The following MEIG1 variants were observed in gnomAD, a reference collection of about 807,000 sequenced individuals.
MEIG1 encodes the protein meiosis/spermiogenesis associated 1.
In MEIG1, 12 loss-of-function variants were observed where a neutral mutation model predicts 11.3. The ratio of observed to expected loss-of-function variants is 1.07; its 90% CI spans 0.68 to 1.73. MEIG1 has a LOEUF of 1.73. Among genes scored for constraint, MEIG1 ranks in the 40% most tolerant of loss-of-function variants. The pLI, the probability that MEIG1 is intolerant of heterozygous loss-of-function variation, is 0.00. For synonymous variants in MEIG1, 41 were observed against 33.2 expected (o/e 1.24, Z -0.81); for missense variants, 119 against 104.9 (o/e 1.13, Z -0.59).
chr10:14,954,760 C>G (rs1842893536), upstream of MEIG1, among the ~76,000 whole-genome samples: 1 of 152,012 alleles, frequency 6.6e-6, no homozygotes. Context: ...CAGGAAAGGT[C>G]TAAAATTTTT....
intron 1 of MEIG1, among the ~76,000 whole-genome samples, chr10:14,960,637 C>G (rs189775708): frequency 6.6e-6 from 1 of 151,952 alleles, no homozygotes; most frequent in Admixed American, 6.5e-5. Flanking sequence ...CCAGGATGGT[C>G]TCGATCTCCT....
In MEIG1 at chr10:14,980,950, G is replaced by C. The variant is rs565945832; in HGVS notation, n.67-5846G>C. Among the ~76,000 whole-genome samples the C allele has an allele frequency of 2.6e-5, 4 of 152,298 alleles. No homozygotes were observed. The East Asian group carries it at 7.7e-4, about 29-fold the overall frequency. On this transcript the variant is annotated intron_variant and non_coding_transcript_variant, in intron 1 of 2. Transcript: ENST00000467536. Reference sequence around the variant, plus strand: ...TTAGGTACTGTTGGATGGAAAGTCAGTGTAGCTTGACGAAGCAAGCGCAAA... The same window carrying C: ...TTAGGTACTGTTGGATGGAAAGTCACTGTAGCTTGACGAAGCAAGCGCAAA...
At chr10:14,982,948 A>G (rs1457819343) in intron 1 of MEIG1, among the ~76,000 whole-genome samples, 1 of 152,120 alleles carries the variant, frequency 6.6e-6, no homozygotes, top group Non-Finnish European at 1.5e-5. Context: ...AATTAATGTT[A>G]ATGTTAATCT....
At chr10:14,979,791 G>A (rs1843246571) in intron 1 of MEIG1, among the ~76,000 whole-genome samples, 1 of 152,010 alleles carries the variant, frequency 6.6e-6, no homozygotes. Context: ...TGCACACATG[G>A]TGTACACCCT....
In MEIG1 at chr10:14,980,822, C is replaced by T. The variant is rs1843255794; in HGVS notation, n.67-5974C>T. Among the ~76,000 whole-genome samples the T allele has an allele frequency of 2.0e-5, 3 of 152,146 alleles. No homozygotes were observed. The South Asian group carries it at 6.2e-4, about 32-fold the overall frequency. On this transcript the variant is annotated intron_variant and non_coding_transcript_variant, in intron 1 of 2. Transcript: ENST00000467536. ...CTTCCCACTGAAAGGCAAAGAGCTT[C>T]TGCCTCTCAGGGGCTAATCTGATAG... is the stretch of plus-strand genomic sequence containing the variant.
chr10:14,981,304 G>A (rs1843260283), intron 1 of MEIG1, among the ~76,000 whole-genome samples: 1 of 151,942 alleles, frequency 6.6e-6, no homozygotes, highest in African/African-American at 2.4e-5. Flanking sequence ...AATGACTCCC[G>A]TGGTGGGTAA....
chr10:14,973,125 C>G (rs1377572514), downstream of MEIG1, among the ~76,000 whole-genome samples: 1 of 152,144 alleles, frequency 6.6e-6, no homozygotes, highest in Non-Finnish European at 1.5e-5. Flanking sequence ...CTCAGCCTCC[C>G]AAAGTGCTGG....
the MEIG1 span, chr10:14,954,230 C>T: frequency 1.5e-5 from 10 of 686,036 alleles, no homozygotes; most frequent in South Asian, 1.7e-4. Context: ...ACCCGCGCTT[C>T]GCTGCACGCG....
chr10:14,979,188 G>T (rs552425453), intron 1 of MEIG1, among the ~76,000 whole-genome samples: 6 of 151,730 alleles, frequency 4.0e-5, no homozygotes, highest in African/African-American at 9.7e-5. Context: ...TATCACAAAG[G>T]TTGTACACGC....
downstream of MEIG1, among the ~76,000 whole-genome samples, chr10:14,975,011 C>T (rs894425889): frequency 6.6e-6 from 1 of 152,038 alleles, no homozygotes; most frequent in African/African-American, 2.4e-5. Context: ...CATGATATTA[C>T]GTTCAATATC....
At chr10:14,982,945 G>A (rs1046631209) in intron 1 of MEIG1, among the ~76,000 whole-genome samples, 4 of 151,940 alleles carry the variant, frequency 2.6e-5, no homozygotes, top group African/African-American at 9.7e-5. Context: ...AATAATTAAT[G>A]TTAATGTTAA....
intron 1 of MEIG1, among the ~76,000 whole-genome samples, chr10:14,962,570 A>T (rs1843026641): frequency 6.6e-6 from 1 of 152,202 alleles, no homozygotes; most frequent in Non-Finnish European, 1.5e-5. Flanking sequence ...TTGAGCTGAA[A>T]GTGACAAAAG....
At chr10:14,967,756 T>A (rs1843103854) in intron 2 of MEIG1, among the ~76,000 whole-genome samples, 1 of 152,178 alleles carries the variant, frequency 6.6e-6, no homozygotes, top group African/African-American at 2.4e-5. Context: ...ACAGAAACTC[T>A]TGCCCATAAG....
At position 14,981,943 on chromosome 10, in the gene MEIG1, G is replaced by A. The variant is rs542250188; in HGVS notation, n.67-4853G>A. On this transcript the variant is annotated intron_variant and non_coding_transcript_variant, in intron 1 of 2. Transcript: ENST00000467536. ...CTCCATTCTCTTTGCGCTTTTCCTC[G>A]CGGCTTACTGCATCCCTGTTTACAA... 3.9e-5 allele frequency among the ~76,000 whole-genome samples: 6 copies of A among 152,044 alleles called. No homozygotes were observed. In the East Asian group the frequency reaches 9.6e-4, roughly 24 times the overall value.
intron 2 of MEIG1, chr10:14,970,439 G>A (rs1419500477): frequency 6.6e-6 from 1 of 152,276 alleles, no homozygotes; most frequent in Non-Finnish European, 1.5e-5. Context: ...GGCATTGGTT[G>A]TACTGTTTTC....
In MEIG1 at chr10:14,972,759, T is replaced by C. The variant is rs372122809; in HGVS notation, c.*118T>C. On this transcript the variant is annotated 3_prime_UTR_variant, in exon 3 of 3. Transcript: ENST00000407572. ...ATGCAGTCTGCAGTTTAATGTTTTG[T>C]GAAACACAAAAGCCATGAGAATTGG... is the stretch of plus-strand genomic sequence containing the variant. 3.8e-6 allele frequency: 4 copies of C among 1,041,590 alleles called. No individual in the cohort carries two copies. Among genetic ancestry groups the C allele is most frequent in the Non-Finnish European group, 5.4e-6 (4 of 739,426 alleles). The allele number at this position is 1,041,590 out of a possible 1,614,324, so 64.5% of individuals were successfully genotyped here. A position where few individuals can be genotyped will look rare whatever the true frequency, so the allele number is the denominator to read the frequency against.
intron 2 of MEIG1, among the ~76,000 whole-genome samples, chr10:14,968,779 T>A (rs1843116969): frequency 6.6e-6 from 1 of 152,044 alleles, no homozygotes; most frequent in African/African-American, 2.4e-5. Context: ...ATTTTTATGC[T>A]GTTTAAAATA....
chr10:14,957,170 C>T (rs1842960479), upstream of MEIG1, among the ~76,000 whole-genome samples: 1 of 152,174 alleles, frequency 6.6e-6, no homozygotes, highest in African/African-American at 2.4e-5. Flanking sequence ...GTGTTTTATA[C>T]TCATTATTTC....
chr10:14,985,876 A>G (rs1469445057), intron 1 of MEIG1, among the ~76,000 whole-genome samples: 1 of 152,052 alleles, frequency 6.6e-6, no homozygotes, highest in Admixed American at 6.6e-5. Flanking sequence ...CTAGGGAGAT[A>G]CAACTCCTGA....
Sources: gnomAD v4.1 joint callset for allele counts (sites outside exome capture counted in the v4.1 genomes callset) on GRCh38, gnomAD v4.1.1 for gene constraint, MANE v1.5 for transcripts, NCBI Gene and HGNC (gene_info 2026-07-23, HGNC 2026-07-21) for gene names.